PPP1R42: variants seen among roughly 807,000 people sequenced by gnomAD.
PPP1R42 encodes protein phosphatase 1 regulatory subunit 42.
PPP1R42 carries 34 observed loss-of-function variants against 31.0 expected under a neutral mutation model. That is an observed-to-expected ratio of 1.10 (90% CI 0.83 to 1.46). The LOEUF is 1.46. Ranked by LOEUF, PPP1R42 falls within the 40% of genes most tolerant of loss-of-function variation. The probability of loss-of-function intolerance (pLI) is 0.00; values close to 1 mark genes in which losing one functional copy is unlikely to be tolerated. For missense variants in PPP1R42, 268 were observed against 303.0 expected, an observed-to-expected ratio of 0.88 and a Z score of 0.86; for synonymous variants, 103 against 109.8, an observed-to-expected ratio of 0.94 and a Z score of 0.39.
intron 7 of PPP1R42, among the ~76,000 whole-genome samples, chr8:66,969,747 C>A (rs528423246): frequency 1.5e-3 from 221 of 152,256 alleles, no homozygotes; most frequent in African/African-American, 5.1e-3. Flanking sequence ...GCAGGCAGTT[C>A]TGGGAAAAGG....
intron 5 of PPP1R42, among the ~76,000 whole-genome samples, chr8:66,989,135 A>G (rs1159317967): frequency 6.6e-6 from 1 of 152,128 alleles, no homozygotes; most frequent in Non-Finnish European, 1.5e-5. Flanking sequence ...TCATAATTGT[A>G]CTGTGAGTAC....
intron 1 of PPP1R42, among the ~76,000 whole-genome samples, chr8:67,026,634 G>A (rs1271132112): frequency 6.6e-6 from 1 of 151,742 alleles, no homozygotes; most frequent in African/African-American, 2.4e-5. Flanking sequence ...CCAGGAGTTC[G>A]AGACCAGCCT....
At chr8:66,980,412 A>T (rs1046527738) in intron 7 of PPP1R42, among the ~76,000 whole-genome samples, 7 of 151,754 alleles carry the variant, frequency 4.6e-5, no homozygotes, top group Non-Finnish European at 8.8e-5. Flanking sequence ...TATTTTTTTT[A>T]TAGATGAGGT....
intron 1 of PPP1R42, among the ~76,000 whole-genome samples, chr8:67,022,763 C>G (rs1816262574): frequency 6.6e-6 from 1 of 151,900 alleles, no homozygotes; most frequent in Non-Finnish European, 1.5e-5. Context: ...GGGGTGTTTT[C>G]TCTTCTATGG....
intron 1 of PPP1R42, among the ~76,000 whole-genome samples, chr8:67,023,835 T>A (rs1171041254): frequency 6.6e-6 from 1 of 151,908 alleles, no homozygotes; most frequent in African/African-American, 2.4e-5. Context: ...ATATTTGCTG[T>A]AAGTTTTTTT....
chr8:66,984,346 C>T, intron 6 of PPP1R42: 1 of 1,276,186 alleles, frequency 7.8e-7, no homozygotes, highest in Non-Finnish European at 1.1e-6. Context: ...ATGATCATCT[C>T]CCTTTGTGTT....
At chr8:66,997,400 T>C (rs1815363425) in intron 5 of PPP1R42, among the ~76,000 whole-genome samples, 1 of 151,894 alleles carries the variant, frequency 6.6e-6, no homozygotes. Context: ...CCTGGGCTTA[T>C]GAGATCCTCT....
chr8:67,017,992 A>G (rs950789058), intron 1 of PPP1R42, among the ~76,000 whole-genome samples, 161 bp from the exon 2 acceptor site: 3 of 152,244 alleles, frequency 2.0e-5, no homozygotes, highest in African/African-American at 7.2e-5. Flanking sequence ...TTATAGACAT[A>G]ACTTCATAAA....
intron 5 of PPP1R42, among the ~76,000 whole-genome samples, chr8:67,005,856 A>ATTT (rs1563426925): frequency 7.9e-5 from 12 of 151,696 alleles, no homozygotes; most frequent in African/African-American, 2.7e-4. Flanking sequence ...TTTTTTTTTA[A>ATTT]AAATCCTTCA....
At chr8:66,971,286 G>A in intron 7 of PPP1R42, 1 of 508,690 alleles carries the variant, frequency 2.0e-6, no homozygotes, top group East Asian at 3.5e-5. Flanking sequence ...AATAACCCGA[G>A]GAAAAAATAG....
chr8:67,017,799 C>A lies in PPP1R42; in HGVS notation c.-52G>T. The A allele has an allele frequency of 2.0e-6, 3 of 1,511,154 alleles. No individual in the cohort carries two copies. The highest frequency in any genetic ancestry group is 1.4e-5 in the South Asian group (1 of 69,324). 93.6% of individuals were successfully genotyped at this position (1,511,154 alleles called of 1,614,324 possible). On this transcript the variant is annotated 5_prime_UTR_variant, in exon 2 of 8. It removes the in-frame stop codon of an upstream open reading frame in the 5' UTR. Coordinates refer to ENST00000685739, the MANE Select transcript of PPP1R42 (RefSeq NM_001364910.1). ...CAAAAGCTCTGTTTTGACACCATGT[C>A]AAGAAGTAGGTTTAGGTATTATTTC...
chr8:67,010,890 C>G, intron 4 of PPP1R42, 59 bp from the exon 5 acceptor site: 1 of 1,411,108 alleles, frequency 7.1e-7, no homozygotes, highest in Non-Finnish European at 9.4e-7. Flanking sequence ...TATATAGGAA[C>G]CAGAAATCCT....
At chr8:66,969,763 G>A (rs1312324054) in intron 7 of PPP1R42, among the ~76,000 whole-genome samples, 1 of 152,168 alleles carries the variant, frequency 6.6e-6, no homozygotes, top group African/African-American at 2.4e-5. Context: ...AAAGGAAAAC[G>A]ATTCCAAAGT....
intron 5 of PPP1R42, among the ~76,000 whole-genome samples, chr8:67,009,995 G>A (rs1197431397): frequency 1.3e-5 from 2 of 152,188 alleles, no homozygotes; most frequent in Non-Finnish European, 1.5e-5. Flanking sequence ...GAAACTTTGA[G>A]GTCATAGCAA....
intron 5 of PPP1R42, among the ~76,000 whole-genome samples, chr8:67,009,532 C>T (rs1169885464): frequency 1.3e-5 from 2 of 151,966 alleles, no homozygotes; most frequent in East Asian, 3.9e-4. Flanking sequence ...CTCGCCATTG[C>T]ACTCCAGTGT....
intron 5 of PPP1R42, among the ~76,000 whole-genome samples, chr8:67,003,334 C>T (rs1815564094): frequency 8.5e-6 from 1 of 118,108 alleles, no homozygotes; most frequent in African/African-American, 3.4e-5. Flanking sequence ...CATGTCATTT[C>T]TGGGTTTTTT....
intron 7 of PPP1R42, among the ~76,000 whole-genome samples, chr8:66,978,312 G>A (rs533179045): frequency 1.3e-5 from 2 of 152,156 alleles, no homozygotes; most frequent in East Asian, 3.9e-4. Context: ...CAGTATGGGG[G>A]AAACCACCCC....
intron 5 of PPP1R42, among the ~76,000 whole-genome samples, chr8:66,997,794 CTCCTGCCTCA>C (rs1404103570): frequency 2.0e-5 from 3 of 151,986 alleles, no homozygotes; most frequent in Non-Finnish European, 4.4e-5. Flanking sequence ...TCAAGCAATC[CTCCTGCCTCA>C]TCCTCCCAAA....
At chr8:67,024,480 A>AT (rs56931317) in intron 1 of PPP1R42, among the ~76,000 whole-genome samples, 22,382 of 142,968 alleles carry the variant, frequency 0.16, 2,418 homozygotes, top group African/African-American at 0.32. Context: ...ATGCCAGCTA[A>AT]TTTTTTTTTT....
Sources: allele counts gnomAD v4.1 joint callset (sites outside exome capture counted in the v4.1 genomes callset), GRCh38; gene constraint gnomAD v4.1.1; transcripts MANE v1.5; gene names NCBI Gene and HGNC (gene_info 2026-07-23, HGNC 2026-07-21).